LRTM1: variants seen among roughly 807,000 people sequenced by gnomAD.
The protein encoded by LRTM1 is leucine-rich repeat and transmembrane domain-containing protein 1.
A neutral mutation model predicts 32.4 loss-of-function variants in LRTM1; 38 were observed. The observed-to-expected ratio is 1.17, with a 90% CI of 0.91 to 1.54. The LOEUF (loss-of-function observed/expected upper bound fraction) is 1.54. LRTM1 is among the 40% of genes most tolerant of loss of function. The probability of loss-of-function intolerance (pLI) is 0.00; values close to 1 mark genes in which losing one functional copy is unlikely to be tolerated. For missense variants in LRTM1, 466 were observed against 415.4 expected (o/e 1.12, Z -1.06); for synonymous variants, 186 against 169.9 (o/e 1.09, Z -0.74).
chr3:54,935,833 T>C (rs1303689928), intron 1 of LRTM1, among the ~76,000 whole-genome samples: 1 of 152,208 alleles, frequency 6.6e-6, no homozygotes, highest in East Asian at 1.9e-4. Context: ...TCTATATGAG[T>C]TCTTTGATAT....
intron 1 of LRTM1, among the ~76,000 whole-genome samples, chr3:54,934,703 G>T (rs945862250): frequency 6.6e-6 from 1 of 152,118 alleles, no homozygotes; most frequent in Admixed American, 6.6e-5. Flanking sequence ...GGTCTTCAAA[G>T]AGCTCACCAG....
intron 1 of LRTM1, among the ~76,000 whole-genome samples, chr3:54,947,329 A>C: frequency 6.6e-6 from 1 of 152,272 alleles, no homozygotes. Context: ...TCTTCCAAGC[A>C]GTGCTAATGC....
intron 1 of LRTM1, among the ~76,000 whole-genome samples, chr3:54,943,731 C>G (rs1406828881): frequency 6.6e-6 from 1 of 151,946 alleles, no homozygotes; most frequent in Non-Finnish European, 1.5e-5. Context: ...TTTCATCTTG[C>G]TTTGGTGAGA....
intron 1 of LRTM1, among the ~76,000 whole-genome samples, chr3:54,952,526 A>T (rs1701783369): frequency 6.6e-6 from 1 of 152,228 alleles, no homozygotes; most frequent in Non-Finnish European, 1.5e-5. Flanking sequence ...TACCAATCTC[A>T]TATTAAGCAG....
intron 1 of LRTM1, among the ~76,000 whole-genome samples, chr3:54,954,705 C>G (rs909379600): frequency 7.9e-5 from 12 of 152,160 alleles, no homozygotes; most frequent in African/African-American, 2.9e-4. Context: ...CAGGCCTCAG[C>G]TTTTGAGAGT....
chr3:54,930,709 T>C (rs1165700420), upstream of LRTM1, among the ~76,000 whole-genome samples: 1 of 152,234 alleles, frequency 6.6e-6, no homozygotes, highest in Non-Finnish European at 1.5e-5. Context: ...GCATTCTATC[T>C]GTAGAATGTA....
chr3:54,953,968 A>G (rs765928520), intron 1 of LRTM1, among the ~76,000 whole-genome samples: 22 of 152,250 alleles, frequency 1.4e-4, no homozygotes, highest in South Asian at 4.1e-4. Flanking sequence ...CACAGATTTC[A>G]GTCCACAGAT....
chr3:54,960,362 A>C (rs748304458), intron 1 of LRTM1, among the ~76,000 whole-genome samples: 1 of 152,216 alleles, frequency 6.6e-6, no homozygotes, highest in Non-Finnish European at 1.5e-5. Flanking sequence ...ACCACAGGGA[A>C]TACTTCAGAA....
At chr3:54,963,659 GT>G (rs1702082900) in intron 1 of LRTM1, among the ~76,000 whole-genome samples, 2 of 152,336 alleles carry the variant, frequency 1.3e-5, no homozygotes, top group Admixed American at 6.5e-5. Flanking sequence ...AATGGTCTAT[GT>G]GTTTTGGATG....
At chr3:54,960,965 G>C (rs1187911306) in intron 1 of LRTM1, among the ~76,000 whole-genome samples, 1 of 152,198 alleles carries the variant, frequency 6.6e-6, no homozygotes, top group East Asian at 1.9e-4. Context: ...TGATGCTCCA[G>C]AACAGTGCCC....
intron 1 of LRTM1, among the ~76,000 whole-genome samples, chr3:54,934,106 A>C (rs1417017955): frequency 6.6e-6 from 1 of 152,192 alleles, no homozygotes; most frequent in Non-Finnish European, 1.5e-5. Context: ...AAATTACAAA[A>C]CAGGGACGGA....
At chr3:54,950,795 G>A (rs1229391004) in intron 1 of LRTM1, among the ~76,000 whole-genome samples, 5 of 152,124 alleles carry the variant, frequency 3.3e-5, no homozygotes, top group Admixed American at 3.3e-4. Context: ...CAAAATAAAC[G>A]GGAAGGGACG....
In LRTM1 at chr3:54,922,361, A is replaced by G. The variant is rs1198374061; in HGVS notation, c.604+2258T>C. 3.9e-5 allele frequency among the ~76,000 whole-genome samples: 6 copies of G among 151,914 alleles called. No individual in the cohort carries two copies. The South Asian group carries it at 6.3e-4, about 16-fold the overall frequency. On this transcript the variant is annotated intron_variant, in intron 2 of 2. Transcript: ENST00000273286. Reference sequence around the variant, plus strand: ...TTAATCAAGAAATGTTCTTTAATGAAAACTATCTTTCTGTGTTGGCTGGCC... The same window carrying G: ...TTAATCAAGAAATGTTCTTTAATGAGAACTATCTTTCTGTGTTGGCTGGCC...
intron 1 of LRTM1, among the ~76,000 whole-genome samples, chr3:54,926,782 T>G (rs887632576): frequency 3.3e-5 from 5 of 152,198 alleles, no homozygotes; most frequent in African/African-American, 1.2e-4. Context: ...GCAGTTTTTT[T>G]CTTCATTCTA....
Position 54,927,912 on chromosome 3 carries a change from G to A in LRTM1, c.-1C>T. ...GAATTGATCAGGGCTCACCTTTCAT[G>A]ACTGAGTCTCCTTGGGCGTCCTTGC... is the stretch of plus-strand genomic sequence containing the variant. On this transcript the variant is annotated 5_prime_UTR_variant, in exon 1 of 3. Coordinates refer to ENST00000273286, the MANE Select transcript of LRTM1 (RefSeq NM_020678.4). 5 of 1,613,626 alleles carry A rather than the reference G, an allele frequency of 3.1e-6. No individual in the cohort carries two copies. Among genetic ancestry groups the A allele is most frequent in the Non-Finnish European group, 4.2e-6 (5 of 1,179,680 alleles).
Position 54,924,767 on chromosome 3 carries a change from C to T in LRTM1, c.456G>A (p.Ala152=), listed in dbSNP as rs376696012. 3.2e-5 allele frequency: 51 copies of T among 1,613,932 alleles called. No homozygotes were observed. Among genetic ancestry groups the T allele is most frequent in the Middle Eastern group, 3.3e-4 (2 of 6,084 alleles). ...GCTGCTGAAGCTGGTTTTGTTGAAC[C>T]GCAAGTATAGTTAGGTTCTCCCAAG... ...GETWENLTIL[A]VQQNQLQQLD... Residue 152 remains alanine, a synonymous_variant, in exon 2 of 3, where the codon GCG becomes GCA. Coordinates refer to ENST00000273286, the MANE Select transcript of LRTM1 (RefSeq NM_020678.4).
chr3:54,943,259 G>C (rs1218291143), intron 1 of LRTM1, among the ~76,000 whole-genome samples: 1 of 151,268 alleles, frequency 6.6e-6, no homozygotes, highest in Non-Finnish European at 1.5e-5. Context: ...AAAAAATCAT[G>C]CCCTGATCCA....
chr3:54,953,730 C>T (rs1466609253), intron 1 of LRTM1, among the ~76,000 whole-genome samples: 1 of 152,182 alleles, frequency 6.6e-6, no homozygotes, highest in African/African-American at 2.4e-5. Flanking sequence ...CTTGGGGCAA[C>T]CTCGGGCTCC....
chr3:54,948,671 C>T (rs182111981), intron 1 of LRTM1, among the ~76,000 whole-genome samples: 71 of 152,310 alleles, frequency 4.7e-4, no homozygotes, highest in African/African-American at 1.6e-3. Context: ...TAGGGAAGGG[C>T]ACCATTCATG....
Sources: allele counts gnomAD v4.1 joint callset (sites outside exome capture counted in the v4.1 genomes callset), GRCh38; gene constraint gnomAD v4.1.1; transcripts MANE v1.5; gene names NCBI Gene and HGNC (gene_info 2026-07-23, HGNC 2026-07-21).